The following LRP1B variants were observed in gnomAD, a reference collection of about 807,000 sequenced individuals.
LRP1B encodes the protein low-density lipoprotein receptor-related protein 1B.
A neutral mutation model predicts 556.6 loss-of-function variants in LRP1B; 217 were observed. The ratio of observed to expected loss-of-function variants is 0.39; its 90% confidence interval spans 0.35 to 0.44. LRP1B has a LOEUF of 0.44. Among genes scored for constraint, LRP1B ranks in the 20% least tolerant of loss-of-function variants. The probability of loss-of-function intolerance (pLI) is 1.00; values close to 1 mark genes in which losing one functional copy is unlikely to be tolerated. For missense variants in LRP1B, 5,053 were observed against 5,620.8 expected (o/e 0.90, Z 3.23); for synonymous variants, 2,047 against 1,865.8 (o/e 1.10, Z -2.50).
intron 1 of LRP1B, among the ~76,000 whole-genome samples, chr2:141,945,731 A>C (rs1299243005): frequency 6.6e-6 from 1 of 151,884 alleles, no homozygotes; most frequent in African/African-American, 2.4e-5. Flanking sequence ...TGCCTCCCCC[A>C]TTCCAAGTTG....
At chr2:141,084,514 T>C (rs967559526) in intron 7 of LRP1B, among the ~76,000 whole-genome samples, 3 of 152,262 alleles carry the variant, frequency 2.0e-5, no homozygotes, top group African/African-American at 4.8e-5. Context: ...CATGTTATAG[T>C]ACAATTTATA....
rs560898521 is a variant in LRP1B, at chr2:141,384,233, A to G, written c.343+96163T>C. On this transcript the variant is annotated intron_variant, in intron 3 of 90. Coordinates refer to ENST00000389484, the MANE Select transcript of LRP1B (RefSeq NM_018557.3). ...TAAAAAGTGAAAACAGGAAAAAAAA[A>G]TGTTAAAAGGAGTACTTTAGGCTAA... is the stretch of plus-strand genomic sequence containing the variant. Among the ~76,000 whole-genome samples, 16 of 152,276 alleles carry G rather than the reference A, an allele frequency of 1.1e-4. No homozygotes were observed. The South Asian group carries it at 3.1e-3, about 30-fold the overall frequency.
intron 2 of LRP1B, among the ~76,000 whole-genome samples, chr2:141,538,831 G>T (rs116118257): frequency 6.8e-4 from 104 of 152,136 alleles, no homozygotes; most frequent in African/African-American, 2.5e-3. Context: ...TACAGACAAG[G>T]TTTCCTCATG....
intron 3 of LRP1B, among the ~76,000 whole-genome samples, chr2:141,443,252 C>A (rs565125125): frequency 1.3e-5 from 2 of 152,178 alleles, no homozygotes; most frequent in East Asian, 3.9e-4. Flanking sequence ...CTGTTCATAT[C>A]CTTCACCCAC....
At chr2:140,256,580 T>C (rs1681702878) in intron 86 of LRP1B, among the ~76,000 whole-genome samples, 1 of 145,676 alleles carries the variant, frequency 6.9e-6, no homozygotes, top group South Asian at 2.3e-4. Flanking sequence ...GCAATTCTCC[T>C]GCCTCAGACT....
chr2:140,970,170 T>C (rs905106363), intron 18 of LRP1B, among the ~76,000 whole-genome samples: 4 of 152,212 alleles, frequency 2.6e-5, no homozygotes, highest in East Asian at 1.9e-4. Context: ...CAGTCAGACA[T>C]AGATTTGGTC....
At chr2:140,401,296 T>C (rs1183975810) in intron 66 of LRP1B, among the ~76,000 whole-genome samples, 4 of 152,180 alleles carry the variant, frequency 2.6e-5, no homozygotes, top group Non-Finnish European at 5.9e-5. Context: ...CAGTGCAGGA[T>C]ACCTGAGACT....
chr2:140,379,919 T>C (rs1015878041), intron 67 of LRP1B, among the ~76,000 whole-genome samples: 1 of 152,110 alleles, frequency 6.6e-6, no homozygotes, highest in South Asian at 2.1e-4. Context: ...AATGTGACAA[T>C]AGAAATTTCC....
intron 1 of LRP1B, among the ~76,000 whole-genome samples, chr2:142,116,230 T>C (rs1249154215): frequency 7.2e-6 from 1 of 138,208 alleles, no homozygotes; most frequent in East Asian, 2.2e-4. Context: ...GAGAAAGATA[T>C]CACCTCACTC....
At chr2:140,334,671 C>A in intron 78 of LRP1B, 112 bp from the exon 79 acceptor site, 1 of 566,274 alleles carries the variant, frequency 1.8e-6, no homozygotes, top group South Asian at 2.5e-5. Flanking sequence ...ACCCCAGAGT[C>A]TCTTAAAAAG....
At chr2:140,592,561 C>T (rs150964936) in intron 43 of LRP1B, among the ~76,000 whole-genome samples, 61 of 151,898 alleles carry the variant, frequency 4.0e-4, no homozygotes, top group African/African-American at 1.4e-3. Context: ...CTTTTCTGGG[C>T]ATCAAAACTT....
At chr2:141,762,557 A>AT (rs1423198818) in intron 2 of LRP1B, among the ~76,000 whole-genome samples, 2 of 152,004 alleles carry the variant, frequency 1.3e-5, no homozygotes, top group Non-Finnish European at 2.9e-5. Context: ...GAAATTGTAT[A>AT]TTTTTTTACT....
chr2:141,136,569 A>G (rs1701497745), intron 7 of LRP1B, among the ~76,000 whole-genome samples: 1 of 151,204 alleles, frequency 6.6e-6, no homozygotes, highest in African/African-American at 2.4e-5. Flanking sequence ...AAACAATTTA[A>G]TAAGTTTCTA....
intron 2 of LRP1B, among the ~76,000 whole-genome samples, chr2:141,615,510 C>T (rs1489762630): frequency 6.6e-6 from 1 of 151,948 alleles, no homozygotes; most frequent in African/African-American, 2.4e-5. Context: ...CTACATTTAG[C>T]CCACCAATTT....
chr2:140,344,902 G>GA (rs965087328), intron 77 of LRP1B, among the ~76,000 whole-genome samples: 1 of 151,392 alleles, frequency 6.6e-6, no homozygotes, highest in Non-Finnish European at 1.5e-5. Context: ...TAAGTGAGGG[G>GA]AAAAAAAGAA....
chr2:140,422,913 T>C (rs986490781), intron 66 of LRP1B, among the ~76,000 whole-genome samples: 2 of 152,196 alleles, frequency 1.3e-5, no homozygotes, highest in Non-Finnish European at 2.9e-5. Flanking sequence ...TATTGCGGCT[T>C]AGAAATGCAT....
At chr2:141,277,664 C>A (rs1410663774) in intron 3 of LRP1B, among the ~76,000 whole-genome samples, 1 of 147,304 alleles carries the variant, frequency 6.8e-6, no homozygotes, top group African/African-American at 2.5e-5. Flanking sequence ...TGTTTTTCAT[C>A]CTTTTTTTTT....
At chr2:140,694,415 G>C (rs1381225931) in intron 41 of LRP1B, among the ~76,000 whole-genome samples, 1 of 152,114 alleles carries the variant, frequency 6.6e-6, no homozygotes, top group Admixed American at 6.5e-5. Context: ...TACTCTTGTT[G>C]CTGATGAGAA....
intron 35 of LRP1B, among the ~76,000 whole-genome samples, chr2:140,722,947 A>G (rs910483117): frequency 6.6e-6 from 1 of 152,102 alleles, no homozygotes; most frequent in Admixed American, 6.5e-5. Context: ...GGAGGCTGAG[A>G]CAGGAGAATG....
Sources: gnomAD v4.1 joint callset for allele counts (sites outside exome capture counted in the v4.1 genomes callset) on GRCh38, gnomAD v4.1.1 for gene constraint, MANE v1.5 for transcripts, NCBI Gene and HGNC (gene_info 2026-07-23, HGNC 2026-07-21) for gene names.